Variants in HACE1 observed in about 807,000 individuals in gnomAD.
HACE1 encodes E3 ubiquitin-protein ligase HACE1.
Under a neutral mutation model 118.4 loss-of-function variants are expected in HACE1, and 73 were observed. That is an observed-to-expected ratio of 0.62 (90% confidence interval 0.51 to 0.75). The LOEUF (loss-of-function observed/expected upper bound fraction) is 0.75, where lower values mean the gene tolerates loss of function less well. Among genes scored for constraint, HACE1 ranks in the 30% least tolerant of loss-of-function variants. The pLI is 0.00. For synonymous variants in HACE1, 368 were observed against 374.8 expected, an observed-to-expected ratio of 0.98 and a Z score of 0.21; for missense variants, 749 against 1,102.2, an observed-to-expected ratio of 0.68 and a Z score of 4.54.
chr6:104,760,044 G>T (rs552199719), intron 19 of HACE1, among the ~76,000 whole-genome samples: 2 of 152,300 alleles, frequency 1.3e-5, no homozygotes, highest in East Asian at 3.9e-4. Context: ...TTCTGAAATT[G>T]AGGCAATAAT....
intron 7 of HACE1, among the ~76,000 whole-genome samples, chr6:104,810,348 C>A (rs1468239840): frequency 6.6e-6 from 1 of 151,690 alleles, no homozygotes; most frequent in East Asian, 1.9e-4. Context: ...GAGACCCCAA[C>A]AAGAAGCTAA....
At chr6:104,780,338 A>G in intron 14 of HACE1, 1 of 450,744 alleles carries the variant, frequency 2.2e-6, no homozygotes, top group South Asian at 1.6e-5. Context: ...TTTGTATGTA[A>G]ACTTTCTAGA....
At chr6:104,855,148 C>A (rs1256331811) in intron 1 of HACE1, among the ~76,000 whole-genome samples, 1 of 152,042 alleles carries the variant, frequency 6.6e-6, no homozygotes, top group Non-Finnish European at 1.5e-5. Flanking sequence ...AGAGCCTCTA[C>A]AAATAATATA....
At chr6:104,830,487 T>C (rs1773746418) in intron 6 of HACE1, among the ~76,000 whole-genome samples, 1 of 152,104 alleles carries the variant, frequency 6.6e-6, no homozygotes, top group African/African-American at 2.4e-5. Context: ...ATATTAAACA[T>C]AAGACAATGT....
chr6:104,788,100 A>G (rs1378720), intron 11 of HACE1, among the ~76,000 whole-genome samples: 53,903 of 151,930 alleles, frequency 0.35, 9,732 homozygotes, highest in African/African-American at 0.42. Context: ...TAACTATGGT[A>G]GCAGCCACCA....
chr6:104,833,846 G>T (rs544683876), intron 5 of HACE1, among the ~76,000 whole-genome samples: 1 of 152,034 alleles, frequency 6.6e-6, no homozygotes, highest in Non-Finnish European at 1.5e-5. Flanking sequence ...TTAGCTGGAC[G>T]TGGTGGTGCG....
At chr6:104,857,230 T>A (rs539977212) in intron 1 of HACE1, among the ~76,000 whole-genome samples, 1 of 149,118 alleles carries the variant, frequency 6.7e-6, no homozygotes, top group Non-Finnish European at 1.5e-5. Flanking sequence ...CCTATATGTA[T>A]GATATACTTT....
At chr6:104,822,349 C>G (rs915064078) in intron 6 of HACE1, among the ~76,000 whole-genome samples, 1 of 150,022 alleles carries the variant, frequency 6.7e-6, no homozygotes, top group African/African-American at 2.5e-5. Flanking sequence ...CGCCACTGCA[C>G]CCCAGCCTGG....
chr6:104,783,300 A>G lies in HACE1; in HGVS notation c.1566+786T>C, dbSNP rs184340204. ...CTCTTCCTCCCTTAAACTCCTAAAG[A>G]TCCAGGTTATGTTGTAGTTACTATT... On this transcript the variant is annotated intron_variant, in intron 14 of 23. Transcript: ENST00000262903. 2.0e-3 allele frequency among the ~76,000 whole-genome samples: 309 copies of G among 152,294 alleles called. 1 individual carries two copies. Among genetic ancestry groups the G allele is most frequent in the Middle Eastern group, 0.017 (5 of 294 alleles).
At chr6:104,826,440 G>T (rs1205893571) in intron 6 of HACE1, among the ~76,000 whole-genome samples, 1 of 152,092 alleles carries the variant, frequency 6.6e-6, no homozygotes, top group Non-Finnish European at 1.5e-5. Context: ...TCTATGATTT[G>T]GATTCAATTT....
intron 2 of HACE1, among the ~76,000 whole-genome samples, chr6:104,851,730 CAA>C (rs11308954): frequency 8.6e-5 from 13 of 150,748 alleles, no homozygotes; most frequent in South Asian, 4.2e-4. Flanking sequence ...AAATTTAAAA[CAA>C]AAAAAAAAAT....
At chr6:104,831,904 A>G (rs1291391315) in intron 6 of HACE1, among the ~76,000 whole-genome samples, 1 of 146,720 alleles carries the variant, frequency 6.8e-6, no homozygotes, top group Non-Finnish European at 1.5e-5. Context: ...AAAAAGAGAG[A>G]GAAAGAAAAG....
At chr6:104,747,993 T>TA (rs1777615126) in intron 20 of HACE1, among the ~76,000 whole-genome samples, 1 of 151,886 alleles carries the variant, frequency 6.6e-6, no homozygotes, top group East Asian at 1.9e-4. Flanking sequence ...GATAAAGGAA[T>TA]AAAGCTTTTA....
At chr6:104,794,899 CAA>C (rs113821694) in intron 10 of HACE1, among the ~76,000 whole-genome samples, 1 of 127,706 alleles carries the variant, frequency 7.8e-6, no homozygotes, top group Non-Finnish European at 1.7e-5. Flanking sequence ...GACTCTGTCT[CAA>C]AAAAAAAAAA....
intron 6 of HACE1, among the ~76,000 whole-genome samples, chr6:104,823,666 G>A (rs2115033953): frequency 1.3e-5 from 2 of 150,704 alleles, no homozygotes; most frequent in Middle Eastern, 6.8e-3. Flanking sequence ...ACTTCCCTTA[G>A]AATTAGGATA....
rs78031417 is a variant in HACE1, at chr6:104,816,887, G to A, written c.535-5494C>T. Reference sequence around the variant, plus strand: ...TCAGTGTGCCCTGGATATGAGACACGGAGTCAACGGAAATTATTTTAGAGC... The same window carrying A: ...TCAGTGTGCCCTGGATATGAGACACAGAGTCAACGGAAATTATTTTAGAGC... On this transcript the variant is annotated intron_variant, in intron 6 of 23. Transcript: ENST00000262903. Among the ~76,000 whole-genome samples the A allele has an allele frequency of 1.8e-3, 278 of 152,282 alleles. 3 individuals carry two copies. In the South Asian group the frequency reaches 0.029, roughly 16 times the overall value.
intron 17 of HACE1, among the ~76,000 whole-genome samples, chr6:104,775,457 T>TA (rs1311630744): frequency 1.3e-5 from 2 of 152,172 alleles, no homozygotes; most frequent in African/African-American, 4.8e-5. Context: ...TCTGTAACAT[T>TA]AAGGAAGTAC....
At chr6:104,846,360 C>T (rs113857615) in intron 4 of HACE1, among the ~76,000 whole-genome samples, 4 of 152,054 alleles carry the variant, frequency 2.6e-5, no homozygotes, top group Admixed American at 1.3e-4. Context: ...CCTAAGAACA[C>T]ACAATAATTT....
intron 5 of HACE1, among the ~76,000 whole-genome samples, chr6:104,840,518 T>A (rs1294017280): frequency 6.6e-6 from 1 of 152,094 alleles, no homozygotes; most frequent in Non-Finnish European, 1.5e-5. Flanking sequence ...AGAGACAACA[T>A]TTTAAAATCC....
Sources: allele counts gnomAD v4.1 joint callset (sites outside exome capture counted in the v4.1 genomes callset), GRCh38; gene constraint gnomAD v4.1.1; transcripts MANE v1.5; gene names NCBI Gene and HGNC (gene_info 2026-07-23, HGNC 2026-07-21).